ABCB1: variants seen among roughly 807,000 people sequenced by gnomAD.
ABCB1 encodes the protein ATP-dependent translocase ABCB1.
ABCB1 carries 69 observed loss-of-function variants against 142.0 expected under a neutral mutation model. The ratio of observed to expected loss-of-function variants is 0.49; its 90% CI spans 0.40 to 0.59. ABCB1 has a LOEUF of 0.59. ABCB1 is among the 20% of genes least tolerant of loss of function. The pLI, the probability that ABCB1 is intolerant of heterozygous loss-of-function variation, is 0.00. For missense variants in ABCB1, 1,326 were observed against 1,554.7 expected, an observed-to-expected ratio of 0.85 and a Z score of 2.47; for synonymous variants, 532 against 539.2, an observed-to-expected ratio of 0.99 and a Z score of 0.18.
At chr7:87,614,413 A>G (rs1030575475) in intron 1 of ABCB1, among the ~76,000 whole-genome samples, 1 of 152,120 alleles carries the variant, frequency 6.6e-6, no homozygotes, top group East Asian at 1.9e-4. Flanking sequence ...AGAAAAAGGG[A>G]AAGAAAGAAA....
chr7:87,668,876 G>A (rs1288225196), intron 1 of ABCB1, among the ~76,000 whole-genome samples: 1 of 152,102 alleles, frequency 6.6e-6, no homozygotes, highest in Non-Finnish European at 1.5e-5. Context: ...TACATTTGTT[G>A]AGGATTGTTT....
chr7:87,703,962 C>T (rs1829367344), intron 1 of ABCB1, among the ~76,000 whole-genome samples: 1 of 111,446 alleles, frequency 9.0e-6, no homozygotes, highest in African/African-American at 3.5e-5. Context: ...GTTCTGTCGC[C>T]CAGGCTGGAG....
chr7:87,531,547 C>T (rs576546227), intron 20 of ABCB1, 50 bp from the exon 21 acceptor site: 5 of 1,547,216 alleles, frequency 3.2e-6, no homozygotes, highest in Non-Finnish European at 4.4e-6. Flanking sequence ...ATCTTCACAA[C>T]TCATGCTTCT....
chr7:87,659,650 T>A (rs570900982), intron 1 of ABCB1, among the ~76,000 whole-genome samples: 1 of 152,154 alleles, frequency 6.6e-6, no homozygotes, highest in African/African-American at 2.4e-5. Flanking sequence ...ATAGTGTAGA[T>A]ACAGTTTGCT....
chr7:87,695,291 T>G (rs767775861), intron 1 of ABCB1, among the ~76,000 whole-genome samples: 22 of 152,134 alleles, frequency 1.4e-4, no homozygotes, highest in South Asian at 4.1e-4. Flanking sequence ...TAATAGTACC[T>G]TTTTAAAGGA....
chr7:87,684,389 A>G (rs910760206), intron 1 of ABCB1, among the ~76,000 whole-genome samples: 7 of 152,232 alleles, frequency 4.6e-5, no homozygotes, highest in Admixed American at 3.9e-4. Flanking sequence ...TCATGAAGGA[A>G]GAACTAAGTT....
chr7:87,592,369 A>C (rs966154531), intron 3 of ABCB1, among the ~76,000 whole-genome samples: 2 of 152,228 alleles, frequency 1.3e-5, no homozygotes, highest in Admixed American at 1.3e-4. Flanking sequence ...ATTCAGACAC[A>C]GGTAGGTTTT....
intron 1 of ABCB1, among the ~76,000 whole-genome samples, chr7:87,614,796 T>C (rs1030401065): frequency 6.6e-6 from 1 of 152,142 alleles, no homozygotes; most frequent in African/African-American, 2.4e-5. Context: ...TGGTTTTGCC[T>C]TTTATTCTTT....
chr7:87,710,627 A>G, intron 1 of ABCB1: 1 of 1,598,776 alleles, frequency 6.3e-7, no homozygotes, highest in Non-Finnish European at 8.5e-7. Context: ...ATACATCTCT[A>G]CAGCTCTGAG....
intron 1 of ABCB1, among the ~76,000 whole-genome samples, chr7:87,682,865 C>T (rs571055533): frequency 5.9e-5 from 9 of 152,278 alleles, no homozygotes; most frequent in Admixed American, 5.2e-4. Context: ...AGCGTTAAAG[C>T]CAGGCATTAA....
At chr7:87,556,639 T>C (rs926031333) in intron 8 of ABCB1, among the ~76,000 whole-genome samples, 4 of 152,210 alleles carry the variant, frequency 2.6e-5, no homozygotes, top group African/African-American at 9.6e-5. Context: ...ATCAGGGAGA[T>C]GCTCTGGCCT....
chr7:87,632,674 A>G (rs934060243), intron 1 of ABCB1, among the ~76,000 whole-genome samples: 11 of 152,132 alleles, frequency 7.2e-5, no homozygotes, highest in Admixed American at 6.5e-4. Flanking sequence ...TTGCATTTTT[A>G]TCCATAGATA....
At chr7:87,512,756 G>T (rs1434441512) in intron 25 of ABCB1, among the ~76,000 whole-genome samples, 1 of 152,208 alleles carries the variant, frequency 6.6e-6, no homozygotes, top group Non-Finnish European at 1.5e-5. Context: ...AAGTCTGGCT[G>T]CAGTGCACCA....
intron 14 of ABCB1, among the ~76,000 whole-genome samples, chr7:87,547,787 G>A (rs1816849852): frequency 7.1e-6 from 1 of 140,698 alleles, no homozygotes; most frequent in South Asian, 2.3e-4. Context: ...GGAGGCAGAG[G>A]TTGCAGTGAG....
At chr7:87,665,572 A>C (rs904985863) in intron 1 of ABCB1, among the ~76,000 whole-genome samples, 1 of 152,130 alleles carries the variant, frequency 6.6e-6, no homozygotes, top group South Asian at 2.1e-4. Flanking sequence ...TCAAGGGTAC[A>C]TGTGCAGGTT....
At chr7:87,681,033 GA>G (rs1434452355) in intron 1 of ABCB1, among the ~76,000 whole-genome samples, 2 of 150,462 alleles carry the variant, frequency 1.3e-5, no homozygotes, top group Non-Finnish European at 2.9e-5. Context: ...TATCAGGAAT[GA>G]AAGAGGGCAT....
chr7:87,547,237 A>G (rs1260252499), intron 14 of ABCB1, among the ~76,000 whole-genome samples: 1 of 152,232 alleles, frequency 6.6e-6, no homozygotes, highest in African/African-American at 2.4e-5. Context: ...AAGAAAAAAT[A>G]CACAAGGAAA....
At chr7:87,626,185 A>G (rs146556869) in intron 1 of ABCB1, among the ~76,000 whole-genome samples, 12 of 117,162 alleles carry the variant, frequency 1.0e-4, no homozygotes, top group Admixed American at 1.7e-4. Flanking sequence ...TGTCATATAT[A>G]TGTGTCATAT....
chr7:87,645,625 A>G (rs1822926457), intron 1 of ABCB1, among the ~76,000 whole-genome samples: 1 of 152,222 alleles, frequency 6.6e-6, no homozygotes, highest in Non-Finnish European at 1.5e-5. Context: ...TTTAGGAAAC[A>G]GATGACTAAT....
Sources: gnomAD v4.1 joint callset for allele counts (sites outside exome capture counted in the v4.1 genomes callset) on GRCh38, gnomAD v4.1.1 for gene constraint, MANE v1.5 for transcripts, NCBI Gene and HGNC (gene_info 2026-07-23, HGNC 2026-07-21) for gene names.